CAMTA1: variants seen among roughly 807,000 people sequenced by gnomAD.
CAMTA1 encodes the protein calmodulin-binding transcription activator 1.
A neutral mutation model predicts 170.9 loss-of-function variants in CAMTA1; 27 were observed. The observed-to-expected ratio is 0.16, with a 90% confidence interval of 0.12 to 0.22. CAMTA1 has a LOEUF of 0.22. Ranked by LOEUF, CAMTA1 falls within the 10% of genes least tolerant of loss-of-function variation. The pLI, the probability that CAMTA1 is intolerant of heterozygous loss-of-function variation, is 1.00. For missense variants in CAMTA1, 1,619 were observed against 2,217.2 expected, an observed-to-expected ratio of 0.73 and a Z score of 5.42; for synonymous variants, 833 against 891.5, an observed-to-expected ratio of 0.93 and a Z score of 1.17.
At chr1:7,711,827 G>A (rs2096573055) in intron 11 of CAMTA1, among the ~76,000 whole-genome samples, 1 of 152,176 alleles carries the variant, frequency 6.6e-6, no homozygotes, top group Non-Finnish European at 1.5e-5. Flanking sequence ...GAAGTACTTA[G>A]CCTAAAACTG....
At chr1:7,236,382 C>T (rs1013822154) in intron 4 of CAMTA1, among the ~76,000 whole-genome samples, 1 of 152,216 alleles carries the variant, frequency 6.6e-6, no homozygotes, top group Admixed American at 6.5e-5. Context: ...AAATCAGGCT[C>T]AGCCCGCCCT....
chr1:7,180,799 A>ACCACACCAGGT (rs1651992528), intron 4 of CAMTA1, among the ~76,000 whole-genome samples: 1 of 152,226 alleles, frequency 6.6e-6, no homozygotes, highest in Non-Finnish European at 1.5e-5. Context: ...GATGTGAGCC[A>ACCACACCAGGT]CCACACCTGG....
chr1:7,658,871 G>A (rs1046259247), intron 7 of CAMTA1, among the ~76,000 whole-genome samples: 1 of 152,226 alleles, frequency 6.6e-6, no homozygotes. Flanking sequence ...AATTCCTCCA[G>A]GGAGCCCAAG....
At chr1:7,556,346 T>C (rs992533350) in intron 6 of CAMTA1, among the ~76,000 whole-genome samples, 2 of 152,090 alleles carry the variant, frequency 1.3e-5, no homozygotes, top group Admixed American at 6.5e-5. Context: ...TGACCAGCCC[T>C]AGGGGGGCAG....
chr1:7,610,473 G>A (rs892221321), intron 6 of CAMTA1, among the ~76,000 whole-genome samples: 11 of 152,156 alleles, frequency 7.2e-5, no homozygotes, highest in Non-Finnish European at 1.5e-4. Context: ...AATCAGCCCC[G>A]TGACCCTCCC....
intron 6 of CAMTA1, among the ~76,000 whole-genome samples, chr1:7,531,102 C>T (rs1253235146): frequency 7.2e-5 from 11 of 151,864 alleles, no homozygotes; most frequent in Non-Finnish European, 1.3e-4. Flanking sequence ...CAGGCATGAG[C>T]CACCGCGCCT....
At chr1:7,752,243 TAC>T (rs1213543283) in intron 20 of CAMTA1, among the ~76,000 whole-genome samples, 1 of 152,196 alleles carries the variant, frequency 6.6e-6, no homozygotes, top group Admixed American at 6.5e-5. Flanking sequence ...AGAGCGCCTA[TAC>T]ACACCCTCCT....
chr1:7,453,272 G>C (rs1323528872), intron 5 of CAMTA1, among the ~76,000 whole-genome samples: 1 of 152,242 alleles, frequency 6.6e-6, no homozygotes, highest in Non-Finnish European at 1.5e-5. Flanking sequence ...GGCCCAGAAT[G>C]AGCCACACGG....
intron 11 of CAMTA1, among the ~76,000 whole-genome samples, chr1:7,688,011 C>CTTTTTTTTTTTTTGTTTTT (rs2096273521): frequency 9.7e-6 from 1 of 103,278 alleles, no homozygotes; most frequent in Non-Finnish European, 1.9e-5. Context: ...CTCATTATTC[C>CTTTTTTTTTTTTTGTTTTT]TTTTTTTTTT....
At chr1:7,155,147 T>G (rs567768630) in intron 4 of CAMTA1, among the ~76,000 whole-genome samples, 13 of 152,104 alleles carry the variant, frequency 8.5e-5, no homozygotes, top group African/African-American at 3.1e-4. Context: ...CTGGGAAGCC[T>G]GTGCCGGGGC....
At chr1:7,344,840 T>G (rs2084108327) in intron 5 of CAMTA1, among the ~76,000 whole-genome samples, 1 of 151,450 alleles carries the variant, frequency 6.6e-6, no homozygotes, top group African/African-American at 2.4e-5. Context: ...CTCTGCCTCC[T>G]GGGTTCATCC....
At chr1:7,606,554 T>G (rs2095488152) in intron 6 of CAMTA1, among the ~76,000 whole-genome samples, 1 of 152,218 alleles carries the variant, frequency 6.6e-6, no homozygotes, top group Non-Finnish European at 1.5e-5. Context: ...GCTGAGATTT[T>G]AAGTGGCCAA....
intron 11 of CAMTA1, among the ~76,000 whole-genome samples, chr1:7,705,928 T>C (rs962888402): frequency 3.9e-5 from 6 of 152,142 alleles, no homozygotes; most frequent in African/African-American, 1.4e-4. Flanking sequence ...GGGTGGCCCT[T>C]TTGCATTTTC....
intron 6 of CAMTA1, among the ~76,000 whole-genome samples, chr1:7,596,257 G>T (rs774476994): frequency 1.3e-5 from 2 of 152,232 alleles, no homozygotes; most frequent in African/African-American, 2.4e-5. Context: ...GGGCCTGTCT[G>T]CCCCACCCAC....
intron 4 of CAMTA1, among the ~76,000 whole-genome samples, chr1:7,101,780 A>G (rs934332330): frequency 6.6e-6 from 1 of 151,076 alleles, no homozygotes; most frequent in Non-Finnish European, 1.5e-5. Flanking sequence ...ACAAATTTGT[A>G]ACACACAATA....
intron 3 of CAMTA1, among the ~76,000 whole-genome samples, chr1:7,070,018 C>G (rs1282125868): frequency 6.6e-6 from 1 of 152,236 alleles, no homozygotes; most frequent in Non-Finnish European, 1.5e-5. Context: ...TCGCCCTCCT[C>G]CGCTGGGGAT....
intron 3 of CAMTA1, among the ~76,000 whole-genome samples, chr1:6,860,958 GACTT>G (rs1664450562): frequency 6.8e-6 from 1 of 146,520 alleles, no homozygotes; most frequent in Non-Finnish European, 1.5e-5. Context: ...AGTGGAGTGT[GACTT>G]ACTTTTTTTT....
At chr1:7,742,314 G>C (rs958976911) in intron 16 of CAMTA1, among the ~76,000 whole-genome samples, 6 of 151,880 alleles carry the variant, frequency 4.0e-5, no homozygotes, top group African/African-American at 1.5e-4. Context: ...GATATGAAAA[G>C]CATATGAACA....
At chr1:7,692,479 C>T (rs1181151452) in intron 11 of CAMTA1, among the ~76,000 whole-genome samples, 3 of 152,076 alleles carry the variant, frequency 2.0e-5, no homozygotes, top group Admixed American at 6.5e-5. Flanking sequence ...TGTAATGCCC[C>T]TGACCCAGTC....
Sources: gnomAD v4.1 joint callset for allele counts (sites outside exome capture counted in the v4.1 genomes callset) on GRCh38, gnomAD v4.1.1 for gene constraint, MANE v1.5 for transcripts, NCBI Gene and HGNC (gene_info 2026-07-23, HGNC 2026-07-21) for gene names.